OR5P3: variants seen among roughly 807,000 people sequenced by gnomAD.
OR5P3 encodes olfactory receptor 5P3.
For missense variants in OR5P3, 415 were observed against 375.6 expected (o/e 1.10, Z -0.87); for synonymous variants, 172 against 141.8 (o/e 1.21, Z -1.51).
chr11:7,828,732 A>G (rs1271052483), intron 1 of OR5P3, among the ~76,000 whole-genome samples: 1 of 152,150 alleles, frequency 6.6e-6, no homozygotes, highest in African/African-American at 2.4e-5. Context: ...GGTGATAGTC[A>G]TTTCTGAGAT....
In OR5P3 at chr11:7,825,347, G is replaced by A. The variant is rs1857722337; in HGVS notation, c.626C>T (p.Ala209Val). The change falls in exon 2 of 2, where the codon GCC becomes GTC. Residue 209 changes from alanine to valine, a missense_variant. Physicochemically the swap from Ala to Val is moderately conservative, Grantham distance 64. Transcript: ENST00000641167. Reference protein sequence around the residue: ...PAISSGSIIVATVCVIAISYI... With the variant: ...PAISSGSIIVVTVCVIAISYI... ...GGATATGGCTATGACACACACAGTG[G>A]CCACAATGATAGATCCAGAAGAGAT... 6.2e-7 allele frequency: 1 copy of A among 1,613,068 alleles called. No individual in the cohort carries two copies. The highest frequency in any genetic ancestry group is 1.7e-5 in the Admixed American group (1 of 59,962).
chr11:7,825,170 G>A lies in OR5P3; in HGVS notation c.803C>T (p.Thr268Ile), dbSNP rs751559219. The change falls in exon 2 of 2, where the codon ACT becomes ATT. Residue 268 changes from threonine to isoleucine, a missense_variant. Physicochemically the swap from Thr to Ile is moderately conservative, Grantham distance 89. Transcript: ENST00000641167. ...CACAGACACCACCTTGTTCTGGTCA[G>A]TTGAGTAGCTGGACTTGGGCATCAC... ...IYVMPKSSYS[T>I]DQNKVVSVFY... is the part of the protein sequence containing the mutation. 3 of 1,607,894 alleles carry A rather than the reference G, an allele frequency of 1.9e-6. No homozygotes were observed. In the African/African-American group the frequency reaches 4.3e-5, roughly 23 times the overall value.
intron 1 of OR5P3, among the ~76,000 whole-genome samples, chr11:7,830,256 TCA>T (rs1251170900): frequency 3.9e-5 from 6 of 152,202 alleles, no homozygotes; most frequent in Non-Finnish European, 8.8e-5. Flanking sequence ...CACATTATTT[TCA>T]CACTTTTATT....
At chr11:7,830,680 T>C (rs1422201463) in intron 1 of OR5P3, 144 bp downstream of exon 1, 2 of 152,206 alleles carry the variant, frequency 1.3e-5, no homozygotes, top group South Asian at 2.1e-4. Context: ...AATAAGATGA[T>C]GTACATGATA....
At chr11:7,827,128 G>C (rs1035325937) in intron 1 of OR5P3, among the ~76,000 whole-genome samples, 12 of 152,096 alleles carry the variant, frequency 7.9e-5, no homozygotes, top group African/African-American at 1.9e-4. Context: ...CTAAAATGAA[G>C]AACCATATTC....
intron 1 of OR5P3, among the ~76,000 whole-genome samples, chr11:7,830,490 A>G (rs1857798046): frequency 6.6e-6 from 1 of 152,228 alleles, no homozygotes; most frequent in African/African-American, 2.4e-5. Flanking sequence ...TATACATGCT[A>G]TTATGGCATG....
chr11:7,826,557 T>G (rs375266270), intron 1 of OR5P3, among the ~76,000 whole-genome samples: 1 of 152,074 alleles, frequency 6.6e-6, no homozygotes, highest in Non-Finnish European at 1.5e-5. Context: ...GATTTCACAA[T>G]TGAGGAAAAG....
At chr11:7,828,678 G>A (rs1323618571) in intron 1 of OR5P3, among the ~76,000 whole-genome samples, 5 of 152,050 alleles carry the variant, frequency 3.3e-5, no homozygotes, top group Middle Eastern at 3.2e-3. Flanking sequence ...TAAAATCAAA[G>A]GGTCAAAAAT....
chr11:7,825,772 G>A lies in OR5P3; in HGVS notation c.201C>T (p.Ala67=), dbSNP rs1335014189. Reference sequence around the variant, plus strand: ...ATGAGGAGTACCCAATGTCTACAAAGGCCAAATGGCAGAGGAAAATGTACA... The same window carrying A: ...ATGAGGAGTACCCAATGTCTACAAAAGCCAAATGGCAGAGGAAAATGTACA... ...TPMYIFLCHL[A]FVDIGYSSSV... The change falls in exon 2 of 2, where the codon GCC becomes GCT. Residue 67 remains alanine (A), a synonymous_variant. Transcript: ENST00000641167. 1.9e-6 allele frequency: 3 copies of A among 1,613,204 alleles called. No individual in the cohort carries two copies. The highest frequency in any genetic ancestry group is 1.7e-6 in the Non-Finnish European group (2 of 1,180,008).
rs961879931 is a variant in OR5P3, at chr11:7,825,746, G to C, written c.227C>G (p.Ser76Ter). ...LAFVDIGYSS[S>*]VTPVMLMSFL... is the part of the protein sequence containing the mutation. The stretch of plus-strand genomic sequence containing the variant: ...GCTCATGAGCATGACAGGTGTGACT[G>C]ATGAGGAGTACCCAATGTCTACAAA... Residue 76 changes from serine (S) to a stop codon, truncating the protein, a stop_gained, in exon 2 of 2, where the codon TCA (serine) becomes TGA (stop). Transcript: ENST00000641167. LOFTEE classifies it low-confidence loss of function (END_TRUNC). 1.9e-6 allele frequency: 3 copies of C among 1,613,128 alleles called. No homozygotes were observed. The highest frequency in any genetic ancestry group is 2.7e-5 in the African/African-American group (2 of 74,064).
In OR5P3 at chr11:7,830,449, T is replaced by C. The variant is rs940452024; in HGVS notation, c.-22+375A>G. Among the ~76,000 whole-genome samples, 8 of 152,180 alleles carry C rather than the reference T, an allele frequency of 5.3e-5. 1 individual carries two copies. In the South Asian group the frequency reaches 8.3e-4, roughly 16 times the overall value. On this transcript the variant is annotated intron_variant, in intron 1 of 1. Transcript: ENST00000641167. ...TGAATGCTTAAAATTTTAGAAAAGA[T>C]AGATGTGTATAATAGAAATTCAGAG... is the stretch of plus-strand genomic sequence containing the variant.
chr11:7,824,874 A>C lies in OR5P3; in HGVS notation c.*163T>G. 2.4e-6 allele frequency: 1 copy of C among 418,238 alleles called. No individual in the cohort carries two copies. Among genetic ancestry groups the C allele is most frequent in the Non-Finnish European group, 4.1e-6 (1 of 241,446 alleles). 25.9% of individuals were successfully genotyped at this position (418,238 alleles called of 1,614,324 possible). A position where few individuals can be genotyped will look rare whatever the true frequency, so the allele number is the denominator to read the frequency against. ...TAAAGGTAAAGCAAGATGGACTTCTAATTTCCTATTCTATCTGAAAATCTT... is the reference window on the plus strand; with the variant it reads ...TAAAGGTAAAGCAAGATGGACTTCTCATTTCCTATTCTATCTGAAAATCTT... On this transcript the variant is annotated 3_prime_UTR_variant, in exon 2 of 2. Coordinates refer to ENST00000641167, the MANE Select transcript of OR5P3 (RefSeq NM_153445.2).
intron 1 of OR5P3, among the ~76,000 whole-genome samples, chr11:7,826,934 G>A (rs1180974103): frequency 2.6e-5 from 4 of 152,102 alleles, no homozygotes; most frequent in East Asian, 1.9e-4. Flanking sequence ...ATACCAACTC[G>A]CTTGAGAAAA....
chr11:7,825,458 T>C lies in OR5P3; in HGVS notation c.515A>G (p.Asn172Ser), dbSNP rs765552908. The C allele has an allele frequency of 6.2e-7, 1 of 1,613,290 alleles. No homozygotes were observed. The highest frequency in any genetic ancestry group is 8.5e-7 in the Non-Finnish European group (1 of 1,180,044). ...GTCACAGAAAAAGTGATTGACTTTA[T>C]TTGGCCCACAGAAGGACAGTCTTAA... is the stretch of plus-strand genomic sequence containing the variant. ...CLLRLSFCGPNKVNHFFCDYS... is the reference protein window; with the variant it reads ...CLLRLSFCGPSKVNHFFCDYS... The change falls in exon 2 of 2, where the codon AAT (asparagine) becomes AGT (serine). Residue 172 changes from asparagine (N) to serine (S), a missense_variant. Transcript: ENST00000641167.
chr11:7,825,125 G>A lies in OR5P3; in HGVS notation c.848C>T (p.Pro283Leu). Residue 283 changes from proline (P) to leucine (L), a missense_variant, in exon 2 of 2, where the codon CCC (proline) becomes CTC (leucine). Transcript: ENST00000641167. The part of the protein sequence containing the change: ...VVSVFYTVVI[P>L]MLNPLIYSLR... ...GCTGTAGATCAGGGGGTTCAACATG[G>A]GAATCACCACGGTGTAGAACACAGA... The A allele has an allele frequency of 6.2e-6, 10 of 1,605,276 alleles. No individual in the cohort carries two copies. Among genetic ancestry groups the A allele is most frequent in the Non-Finnish European group, 8.5e-6 (10 of 1,179,918 alleles).
intron 1 of OR5P3, among the ~76,000 whole-genome samples, chr11:7,830,437 T>A (rs1857797454): frequency 6.6e-6 from 1 of 152,184 alleles, no homozygotes; most frequent in African/African-American, 2.4e-5. Flanking sequence ...ATGCTTAAAA[T>A]TTTAGAAAAG....
rs1347076363 is a variant in OR5P3 at position 7,825,578 on chromosome 11, T to C, written c.395A>G (p.Tyr132Cys). The C allele has an allele frequency of 1.2e-6, 2 of 1,612,098 alleles. No individual in the cohort carries two copies. Among genetic ancestry groups the C allele is most frequent in the East Asian group, 2.2e-5 (1 of 44,854 alleles). Reference protein sequence around the residue: ...RYVAICSPLLYSTCMSPGVCI... With the variant: ...RYVAICSPLLCSTCMSPGVCI... Reference sequence around the variant, plus strand: ...GACTCCAGGGGACATGCAGGTAGAGTAGAGCAGGGGTGAGCAGATGGCCAC... The same window carrying C: ...GACTCCAGGGGACATGCAGGTAGAGCAGAGCAGGGGTGAGCAGATGGCCAC... The change falls in exon 2 of 2, where the codon TAC becomes TGC. Residue 132 changes from tyrosine (Y) to cysteine (C), a missense_variant. By Grantham distance (194) the Tyr-to-Cys change is radical (BLOSUM62 -2). Transcript: ENST00000641167.
At chr11:7,828,845 T>G (rs1224242461) in intron 1 of OR5P3, among the ~76,000 whole-genome samples, 1 of 152,166 alleles carries the variant, frequency 6.6e-6, no homozygotes, top group African/African-American at 2.4e-5. Context: ...TGTCAAGACT[T>G]TCATCTCTAC....
At chr11:7,830,342 C>A (rs1405472708) in intron 1 of OR5P3, among the ~76,000 whole-genome samples, 1 of 152,168 alleles carries the variant, frequency 6.6e-6, no homozygotes, top group Non-Finnish European at 1.5e-5. Flanking sequence ...GAACACCATG[C>A]AATTACATGT....
Sources: gnomAD v4.1 joint callset for allele counts (sites outside exome capture counted in the v4.1 genomes callset) on GRCh38, gnomAD v4.1.1 for gene constraint, MANE v1.5 for transcripts, NCBI Gene and HGNC (gene_info 2026-07-23, HGNC 2026-07-21) for gene names.